FERMT3: variants seen among roughly 807,000 people sequenced by gnomAD.
FERMT3 encodes the protein fermitin family homolog 3.
Under a neutral mutation model 80.8 loss-of-function variants are expected in FERMT3, and 33 were observed. The ratio of observed to expected loss-of-function variants is 0.41; its 90% CI spans 0.31 to 0.55. FERMT3 has a LOEUF of 0.55. FERMT3 is among the 20% of genes least tolerant of loss of function. The pLI is 0.31. For missense variants in FERMT3, 754 were observed against 908.7 expected, an observed-to-expected ratio of 0.83 and a Z score of 2.19; for synonymous variants, 375 against 372.2, an observed-to-expected ratio of 1.01 and a Z score of -0.09.
At chr11:64,217,934 C>T (rs201866332) in intron 6 of FERMT3, among the ~76,000 whole-genome samples, 5 of 151,908 alleles carry the variant, frequency 3.3e-5, no homozygotes, top group South Asian at 2.1e-4. Context: ...GAGGCCCTAG[C>T]GCTCTCTGCA....
At chr11:64,212,289 A>G (rs981997354) in intron 6 of FERMT3, among the ~76,000 whole-genome samples, 26 of 152,336 alleles carry the variant, frequency 1.7e-4, no homozygotes, top group African/African-American at 5.8e-4. Flanking sequence ...CGCACATCTC[A>G]AAAACTTCCC....
At position 64,211,670 on chromosome 11, in the gene FERMT3, A is replaced by G; in HGVS notation, c.709A>G (p.Met237Val). 6.2e-7 allele frequency: 1 copy of G among 1,614,070 alleles called. No homozygotes were observed. Among genetic ancestry groups the G allele is most frequent in the Non-Finnish European group, 8.5e-7 (1 of 1,179,998 alleles). Reference sequence around the variant, plus strand: ...GTGGCTGGACTCGTCGCGGTGTCTCATGCAGCAGGGCATCAAGGCCGGGGA... The same window carrying G: ...GTGGCTGGACTCGTCGCGGTGTCTCGTGCAGCAGGGCATCAAGGCCGGGGA... ...SRWLDSSRCL[M>V]QQGIKAGDAL... The change falls in exon 6 of 15, where the codon ATG (methionine) becomes GTG (valine). Residue 237 changes from methionine to valine, a missense_variant. By Grantham distance (21) the Met-to-Val change is conservative (BLOSUM62 1). Transcript: ENST00000345728. This position sits in a 1 kb window ranked among gnomAD's most constrained non-coding sequence, Gnocchi z 4.7.
chr11:64,220,563 G>C lies in FERMT3; in HGVS notation c.1439G>C (p.Ser480Thr), dbSNP rs772388994. Residue 480 changes from serine to threonine, a missense_variant, in exon 12 of 15, where the codon AGT becomes ACT. Physicochemically the swap from Ser to Thr is moderately conservative, Grantham distance 58. Coordinates refer to ENST00000345728, the MANE Select transcript of FERMT3 (RefSeq NM_031471.6). The part of the protein sequence containing the change: ...LAFLSLQRTG[S>T]GGPGNHPHGP... ...TTCCTCAGCCTGCAGCGCACGGGCA[G>C]TGGGGGCCCGGGCAACCACCCCCAC... is the stretch of plus-strand genomic sequence containing the variant. 6.8e-6 allele frequency: 11 copies of C among 1,607,888 alleles called. No individual in the cohort carries two copies. The South Asian group carries it at 1.0e-4, about 15-fold the overall frequency.
Position 64,210,475 on chromosome 11 carries a change from C to A in FERMT3, c.161-136C>A. On this transcript the variant is annotated intron_variant, in intron 2 of 14. Coordinates refer to ENST00000345728, the MANE Select transcript of FERMT3 (RefSeq NM_031471.6). The surrounding 1 kb of genome is among the most constrained non-coding windows in gnomAD (Gnocchi z 4.3). ...GTTACCATGGGGTAGACCCCAGGCC[C>A]GCCCAGGCTGCCCCACTCTTGGCTT... The A allele has an allele frequency of 1.1e-6, 1 of 873,598 alleles. No homozygotes were observed. Among genetic ancestry groups the A allele is most frequent in the East Asian group, 2.5e-5 (1 of 40,724 alleles). 54.1% of individuals were successfully genotyped at this position (873,598 alleles called of 1,614,324 possible). A position where few individuals can be genotyped will look rare whatever the true frequency, so the allele number is the denominator to read the frequency against.
At chr11:64,208,601 G>A (rs757237686) in intron 2 of FERMT3, among the ~76,000 whole-genome samples, 1 of 152,244 alleles carries the variant, frequency 6.6e-6, no homozygotes, top group Non-Finnish European at 1.5e-5. Flanking sequence ...CATGGGGGCT[G>A]CGTGCCGGCT....
Position 64,211,585 on chromosome 11 carries a change from C to A in FERMT3, c.684-60C>A, listed in dbSNP as rs983292670. 21 of 1,569,604 alleles carry A rather than the reference C, an allele frequency of 1.3e-5. No homozygotes were observed. The highest frequency in any genetic ancestry group is 4.0e-5 in the African/African-American group (3 of 74,334). On this transcript the variant is annotated intron_variant, in intron 5 of 14. Coordinates refer to ENST00000345728, the MANE Select transcript of FERMT3 (RefSeq NM_031471.6). This position sits in a 1 kb window ranked among gnomAD's most constrained non-coding sequence, Gnocchi z 4.7. ...GTGCTTGTCCCCCCAGCCCAGCCCC[C>A]CTCCCCACCCCACGGCCGTACCTGG... is the stretch of plus-strand genomic sequence containing the variant.
At chr11:64,218,026 C>T (rs1382556458) in intron 6 of FERMT3, among the ~76,000 whole-genome samples, 4 of 111,814 alleles carry the variant, frequency 3.6e-5, no homozygotes, top group Admixed American at 2.6e-4. Context: ...TTTTTTGTGA[C>T]GGAGTCTCGC....
At chr11:64,215,782 C>G (rs1946536692) in intron 6 of FERMT3, among the ~76,000 whole-genome samples, 1 of 150,884 alleles carries the variant, frequency 6.6e-6, no homozygotes, top group African/African-American at 2.4e-5. Context: ...CTACGTTGCC[C>G]AGATTGGGTC....
At position 64,211,140 on chromosome 11, in the gene FERMT3, C is replaced by G; in HGVS notation, c.483C>G (p.Leu161=). The part of the protein sequence containing the change: ...KKKEKEPEEE[L]YDLSKVVLAG... ...AAGAGAAGGAGCCAGAGGAAGAGCT[C>G]TATGACTTGAGCAAGGTTGTCTTGG... The change falls in exon 4 of 15, where the codon CTC becomes CTG. Residue 161 remains leucine, a synonymous_variant. Coordinates refer to ENST00000345728, the MANE Select transcript of FERMT3 (RefSeq NM_031471.6). The surrounding 1 kb of genome is among the most constrained non-coding windows in gnomAD (Gnocchi z 4.7). 6.6e-7 allele frequency: 1 copy of G among 1,522,874 alleles called. No homozygotes were observed. The highest frequency in any genetic ancestry group is 8.8e-7 in the Non-Finnish European group (1 of 1,135,320). The allele number at this position is 1,522,874 out of a possible 1,614,324, so 94.3% of individuals were successfully genotyped here.
Position 64,210,200 on chromosome 11 carries a change from C to A in FERMT3, c.161-411C>A, listed in dbSNP as rs1946404594. ...CACAGGTCCAGGCCCTGAGGACATA[C>A]AACGGTGAGACAGACGTAGTCTCTG... On this transcript the variant is annotated intron_variant, in intron 2 of 14. Transcript: ENST00000345728. This position sits in a 1 kb window ranked among gnomAD's most constrained non-coding sequence, Gnocchi z 4.3. Among the ~76,000 whole-genome samples, 1 of 152,212 alleles carries A rather than the reference C, an allele frequency of 6.6e-6. No homozygotes were observed. Among genetic ancestry groups the A allele is most frequent in the African/African-American group, 2.4e-5 (1 of 41,462 alleles).
Position 64,219,920 on chromosome 11 carries a change from G to A in FERMT3, c.1109G>A (p.Arg370His), listed in dbSNP as rs1297918425. The A allele has an allele frequency of 2.5e-6, 4 of 1,613,950 alleles. No homozygotes were observed. Among genetic ancestry groups the A allele is most frequent in the Non-Finnish European group, 2.5e-6 (3 of 1,180,016 alleles). Residue 370 changes from arginine to histidine, a missense_variant, in exon 10 of 15, where the codon CGC becomes CAC. Physicochemically the swap from Arg to His is conservative, Grantham distance 29. Coordinates refer to ENST00000345728, the MANE Select transcript of FERMT3 (RefSeq NM_031471.6). This position sits in a 1 kb window ranked among gnomAD's most constrained non-coding sequence, Gnocchi z 4.0. ...RPRKLTLKGY[R>H]QHWVVFKETT... The stretch of plus-strand genomic sequence containing the variant: ...CGGAAGCTGACCCTGAAGGGCTACC[G>A]CCAACACTGGGTGGTGTTCAAGGAG...
chr11:64,223,384 C>G lies in FERMT3; in HGVS notation c.1884C>G (p.His628Gln). 1 of 1,614,022 alleles carries G rather than the reference C, an allele frequency of 6.2e-7. No individual in the cohort carries two copies. Among genetic ancestry groups the G allele is most frequent in the Non-Finnish European group, 8.5e-7 (1 of 1,180,046 alleles). Residue 628 changes from histidine to glutamine, a missense_variant, in exon 15 of 15, where the codon CAC becomes CAG. Transcript: ENST00000345728. ...SCVSASCRIVHEYIGGYIFLS... is the reference protein window; with the variant it reads ...SCVSASCRIVQEYIGGYIFLS... Reference sequence around the variant, plus strand: ...TGTCTGCCAGCTGCCGAATTGTACACGAGTATATCGGGGGCTACATTTTCC... The same window carrying G: ...TGTCTGCCAGCTGCCGAATTGTACAGGAGTATATCGGGGGCTACATTTTCC...
intron 1 of FERMT3, among the ~76,000 whole-genome samples, 189 bp downstream of exon 1, chr11:64,207,003 G>C (rs1669881753): frequency 6.6e-6 from 1 of 152,092 alleles, no homozygotes; most frequent in African/African-American, 2.4e-5. Flanking sequence ...TGGGTACGAA[G>C]CCATGGCCAG....
At chr11:64,217,501 A>G (rs1946577029) in intron 6 of FERMT3, among the ~76,000 whole-genome samples, 2 of 152,162 alleles carry the variant, frequency 1.3e-5, no homozygotes, top group South Asian at 2.1e-4. Flanking sequence ...GTGAGCCAAG[A>G]TCGTGCCATT....
intron 1 of FERMT3, among the ~76,000 whole-genome samples, chr11:64,207,150 T>C (rs1946327685): frequency 6.6e-6 from 1 of 151,872 alleles, no homozygotes. Context: ...ACATGGTCTC[T>C]GAGGGCCCTC....
rs1946448356 is a variant in FERMT3, at chr11:64,211,806, C to T, written c.786+59C>T. The T allele has an allele frequency of 8.6e-6, 13 of 1,511,812 alleles. No individual in the cohort carries two copies. In the East Asian group the frequency reaches 2.5e-4, roughly 29 times the overall value. The allele number at this position is 1,511,812 out of a possible 1,614,324, so 93.6% of individuals were successfully genotyped here. A position where few individuals can be genotyped will look rare whatever the true frequency, so the allele number is the denominator to read the frequency against. ...TCCATGAGATGTGGAGACCTAGGGC[C>T]TGGGGTATGGGCTCTGGGATGTTAG... On this transcript the variant is annotated intron_variant, in intron 6 of 14. Coordinates refer to ENST00000345728, the MANE Select transcript of FERMT3 (RefSeq NM_031471.6). The surrounding 1 kb of genome is among the most constrained non-coding windows in gnomAD (Gnocchi z 4.7).
Position 64,210,914 on chromosome 11 carries a change from C to T in FERMT3, c.394+70C>T. ...AGAGGCAGGTTCCCCCGTTTCCAGG[C>T]CCAGCTCTGTTGACGCTGTCCTTGC... On this transcript the variant is annotated intron_variant, in intron 3 of 14. Coordinates refer to ENST00000345728, the MANE Select transcript of FERMT3 (RefSeq NM_031471.6). The surrounding 1 kb of genome is among the most constrained non-coding windows in gnomAD (Gnocchi z 4.3). The T allele has an allele frequency of 6.2e-7, 1 of 1,608,194 alleles. No homozygotes were observed. The highest frequency in any genetic ancestry group is 1.1e-5 in the South Asian group (1 of 90,960).
At position 64,210,654 on chromosome 11, in the gene FERMT3, G is replaced by A; in HGVS notation, c.204G>A (p.Gln68=). The part of the protein sequence containing the change: ...DWSDHAIWWE[Q]KRQWLLQTHW... Reference sequence around the variant, plus strand: ...CAGACCATGCTATTTGGTGGGAACAGAAGAGGCAGTGGCTGCTGCAGACCC... The same window carrying A: ...CAGACCATGCTATTTGGTGGGAACAAAAGAGGCAGTGGCTGCTGCAGACCC... The change falls in exon 3 of 15, where the codon CAG becomes CAA. Residue 68 remains glutamine (Q), a synonymous_variant. Coordinates refer to ENST00000345728, the MANE Select transcript of FERMT3 (RefSeq NM_031471.6). This position sits in a 1 kb window ranked among gnomAD's most constrained non-coding sequence, Gnocchi z 4.3. The A allele has an allele frequency of 1.2e-6, 2 of 1,614,166 alleles. No individual in the cohort carries two copies. Among genetic ancestry groups the A allele is most frequent in the Non-Finnish European group, 1.7e-6 (2 of 1,180,008 alleles).
chr11:64,216,082 T>A (rs1231944578), intron 6 of FERMT3, among the ~76,000 whole-genome samples: 1 of 151,896 alleles, frequency 6.6e-6, no homozygotes, highest in African/African-American at 2.4e-5. Flanking sequence ...TCCGCCCGCC[T>A]CGGCCTCCCA....
Sources: allele counts gnomAD v4.1 joint callset (sites outside exome capture counted in the v4.1 genomes callset), GRCh38; gene constraint gnomAD v4.1.1; non-coding constraint Gnocchi (gnomAD v3.1); transcripts MANE v1.5; gene names NCBI Gene and HGNC (gene_info 2026-07-23, HGNC 2026-07-21).